The following LRP2 variants were observed in gnomAD, a reference collection of about 807,000 sequenced individuals.
The protein encoded by LRP2 is low-density lipoprotein receptor-related protein 2.
Under a neutral mutation model 531.0 loss-of-function variants are expected in LRP2, and 172 were observed. That is an observed-to-expected ratio of 0.32 (90% CI 0.29 to 0.37). The LOEUF (loss-of-function observed/expected upper bound fraction) is 0.37, where lower values mean the gene tolerates loss of function less well. Ranked by LOEUF, LRP2 falls within the 10% of genes least tolerant of loss-of-function variation. The pLI is 1.00. For synonymous variants in LRP2, 1,992 were observed against 2,027.6 expected, an observed-to-expected ratio of 0.98 and a Z score of 0.47; for missense variants, 5,167 against 5,868.3, an observed-to-expected ratio of 0.88 and a Z score of 3.90.
intron 48 of LRP2, among the ~76,000 whole-genome samples, chr2:169,190,932 G>A (rs957698089): frequency 6.6e-6 from 1 of 152,186 alleles, no homozygotes; most frequent in African/African-American, 2.4e-5. Context: ...GAGAAGTTGG[G>A]ATGTTAAGAA....
At chr2:169,325,929 G>A (rs981400841) in intron 1 of LRP2, among the ~76,000 whole-genome samples, 1 of 150,386 alleles carries the variant, frequency 6.6e-6, no homozygotes, top group African/African-American at 2.4e-5. Context: ...AAAGATTTGG[G>A]GACAAAACCC....
chr2:169,229,803 C>CT lies in LRP2; in HGVS notation c.5227+1910dup, dbSNP rs1689336468. On this transcript the variant is annotated intron_variant, in intron 31 of 78. Transcript: ENST00000649046. ...GGCCAATATTGTGCAATATCTGCTT[C>CT]TTTTACTTAACAGCATCACAGAAGC... 2.0e-5 allele frequency among the ~76,000 whole-genome samples: 3 copies of CT among 152,240 alleles called. No individual in the cohort carries two copies. The South Asian group carries it at 6.2e-4, about 32-fold the overall frequency.
intron 76 of LRP2, among the ~76,000 whole-genome samples, chr2:169,135,861 T>C (rs1180119510): frequency 1.3e-5 from 2 of 152,162 alleles, no homozygotes; most frequent in Non-Finnish European, 2.9e-5. Context: ...TATTCACCGT[T>C]CTCAACTACT....
intron 36 of LRP2, 49 bp from the exon 37 acceptor site, chr2:169,212,256 C>T (rs1238313943): frequency 3.1e-6 from 5 of 1,613,036 alleles, no homozygotes; most frequent in Non-Finnish European, 8.5e-7. Flanking sequence ...AGCTACTCGC[C>T]ACCCCATCTC....
At chr2:169,289,238 G>T in intron 8 of LRP2, 93 bp from the exon 9 acceptor site, 1 of 1,496,724 alleles carries the variant, frequency 6.7e-7, no homozygotes, top group Non-Finnish European at 9.3e-7. Context: ...TAGCAGCTCA[G>T]TAAGCATGAA....
Position 169,280,729 on chromosome 2 carries a change from G to A in LRP2, c.1172-210C>T, listed in dbSNP as rs73971831. 9.5e-3 allele frequency among the ~76,000 whole-genome samples: 1,440 copies of A among 152,268 alleles called. 7 individuals carry two copies. Among genetic ancestry groups the A allele is most frequent in the Middle Eastern group, 0.031 (9 of 294 alleles). On this transcript the variant is annotated intron_variant, in intron 10 of 78. Coordinates refer to ENST00000649046, the MANE Select transcript of LRP2 (RefSeq NM_004525.3). ...GAGGCACAAAAAGGCTTAATGAAGCGTCCAAAATCTCAGTAAGTTAGGAAG... is the reference window on the plus strand; with the variant it reads ...GAGGCACAAAAAGGCTTAATGAAGCATCCAAAATCTCAGTAAGTTAGGAAG...
At chr2:169,231,031 C>T (rs529487582) in intron 31 of LRP2, among the ~76,000 whole-genome samples, 2 of 152,222 alleles carry the variant, frequency 1.3e-5, no homozygotes, top group Admixed American at 6.5e-5. Context: ...CAGTGGTCCA[C>T]GTCTGTAATC....
intron 3 of LRP2, among the ~76,000 whole-genome samples, chr2:169,311,080 A>T (rs1228951841): frequency 6.6e-6 from 1 of 151,328 alleles, no homozygotes; most frequent in Non-Finnish European, 1.5e-5. Flanking sequence ...TGTCTATTTG[A>T]TTCTTCTCTC....
At chr2:169,231,367 G>T (rs1221237979) in intron 31 of LRP2, among the ~76,000 whole-genome samples, 4 of 151,622 alleles carry the variant, frequency 2.6e-5, no homozygotes, top group African/African-American at 7.3e-5. Context: ...CATAAAAAAT[G>T]AAGCTGTACA....
In LRP2 at chr2:169,128,351, CAGCAGACATCTTTATT is replaced by C. The variant is rs1685167205; in HGVS notation, c.*296_*311del. On this transcript the variant is annotated 3_prime_UTR_variant, in exon 79 of 79. Coordinates refer to ENST00000649046, the MANE Select transcript of LRP2 (RefSeq NM_004525.3). ...TTACTATAATGATCACCAACCAAAT[CAGCAGACATCTTTATT>C]AGCAAATTCAGTAACAGGATAATCT... The C allele has an allele frequency of 3.9e-6, 1 of 256,502 alleles. No homozygotes were observed. The highest frequency in any genetic ancestry group is 7.6e-6 in the Non-Finnish European group (1 of 131,406). 15.9% of individuals were successfully genotyped at this position (256,502 alleles called of 1,614,324 possible). A position where few individuals can be genotyped will look rare whatever the true frequency, so the allele number is the denominator to read the frequency against.
chr2:169,294,812 T>G (rs1433968525), intron 4 of LRP2, 102 bp from the exon 5 acceptor site: 1 of 725,476 alleles, frequency 1.4e-6, no homozygotes, highest in Non-Finnish European at 2.4e-6. Context: ...TATATGCAAG[T>G]CACTAAATGC....
intron 1 of LRP2, among the ~76,000 whole-genome samples, chr2:169,350,904 A>C (rs2673154): frequency 0.059 from 8,987 of 152,114 alleles, 379 homozygotes; most frequent in Non-Finnish European, 0.088. Context: ...TCTTTCCACC[A>C]GAGTCCATGC....
At chr2:169,219,154 C>T (rs1230388302) in intron 34 of LRP2, among the ~76,000 whole-genome samples, 3 of 152,078 alleles carry the variant, frequency 2.0e-5, no homozygotes, top group East Asian at 3.9e-4. Flanking sequence ...AAAACTAGTA[C>T]AAGCCAGCAG....
At position 169,331,090 on chromosome 2, in the gene LRP2, C is replaced by T. The variant is rs550411685; in HGVS notation, c.80-10206G>A. 8.5e-5 allele frequency among the ~76,000 whole-genome samples: 13 copies of T among 152,212 alleles called. No individual in the cohort carries two copies. The South Asian group carries it at 2.7e-3, about 32-fold the overall frequency. ...TTCCATCACACGTCCACAGGTCTAC[C>T]CCTTCAAGGGGAGGGGACCACACTA... On this transcript the variant is annotated intron_variant, in intron 1 of 78. Coordinates refer to ENST00000649046, the MANE Select transcript of LRP2 (RefSeq NM_004525.3).
In LRP2 at chr2:169,212,012, T is replaced by C; in HGVS notation, c.6236A>G (p.Glu2079Gly). ...CATGGTTTCTGAATGATCTGACAAT[T>C]CCAAGCTAAAGCCTCTGATTGCAGA... ...MLSAIRGFSLELSDHSETMVP... is the reference protein window; with the variant it reads ...MLSAIRGFSLGLSDHSETMVP... Residue 2079 changes from glutamate (E) to glycine (G), a missense_variant, in exon 37 of 79, where the codon GAA (glutamate) becomes GGA (glycine). This residue lies in a region of LRP2 where 2,811 missense variants were observed against 3,058.0 expected (regional missense o/e 0.92). Transcript: ENST00000649046. The C allele has an allele frequency of 6.2e-7, 1 of 1,613,926 alleles. No homozygotes were observed. Among genetic ancestry groups the C allele is most frequent in the South Asian group, 1.1e-5 (1 of 91,080 alleles).
At chr2:169,317,684 C>T (rs1684800694) in intron 3 of LRP2, among the ~76,000 whole-genome samples, 1 of 152,100 alleles carries the variant, frequency 6.6e-6, no homozygotes. Flanking sequence ...TTAAATTATA[C>T]AAATATCCTT....
At chr2:169,130,772 G>A (rs1020273015) in intron 77 of LRP2, among the ~76,000 whole-genome samples, 4 of 152,184 alleles carry the variant, frequency 2.6e-5, no homozygotes, top group Admixed American at 1.3e-4. Context: ...TAACATGGAA[G>A]ACACATTTTA....
Position 169,132,640 on chromosome 2 carries a change from A to G in LRP2, c.13662T>C (p.Ser4554=), listed in dbSNP as rs1243591112. The G allele has an allele frequency of 6.2e-7, 1 of 1,610,308 alleles. No homozygotes were observed. The highest frequency in any genetic ancestry group is 2.2e-5 in the East Asian group (1 of 44,860). Residue 4554 remains serine, a synonymous_variant, in exon 77 of 79, where the codon AGT becomes AGC. Coordinates refer to ENST00000649046, the MANE Select transcript of LRP2 (RefSeq NM_004525.3). ...SENVDNKNYG[S]PINPSEIVPE... Reference sequence around the variant, plus strand: ...GAACTATCTCAGAAGGGTTTATGGGACTTCCATAATTCTTATTATCCACAT... The same window carrying G: ...GAACTATCTCAGAAGGGTTTATGGGGCTTCCATAATTCTTATTATCCACAT...
intron 29 of LRP2, among the ~76,000 whole-genome samples, chr2:169,234,604 T>C (rs1689534354): frequency 6.6e-6 from 1 of 152,214 alleles, no homozygotes; most frequent in Non-Finnish European, 1.5e-5. Context: ...TGTGTCTTTA[T>C]AGTAGAATGA....
Sources: allele counts gnomAD v4.1 joint callset (sites outside exome capture counted in the v4.1 genomes callset), GRCh38; gene constraint gnomAD v4.1.1; regional missense constraint gnomAD v4.1.1; transcripts MANE v1.5; gene names NCBI Gene and HGNC (gene_info 2026-07-23, HGNC 2026-07-21).